Variants in HS3ST3B1 observed in about 807,000 individuals in gnomAD.
The protein encoded by HS3ST3B1 is heparan sulfate glucosamine 3-O-sulfotransferase 3B1.
Under a neutral mutation model 21.3 loss-of-function variants are expected in HS3ST3B1, and 13 were observed. The ratio of observed to expected loss-of-function variants is 0.61; its 90% CI spans 0.40 to 0.97. The LOEUF (loss-of-function observed/expected upper bound fraction) is 0.97, where lower values mean the gene tolerates loss of function less well. HS3ST3B1 is among the 50% of genes least tolerant of loss of function. HS3ST3B1 has a pLI of 0.00. For synonymous variants in HS3ST3B1, 234 were observed against 254.8 expected (o/e 0.92, Z 0.78); for missense variants, 459 against 554.8 (o/e 0.83, Z 1.73).
At chr17:14,311,248 A>C (rs866020587) in intron 1 of HS3ST3B1, among the ~76,000 whole-genome samples, 9 of 151,584 alleles carry the variant, frequency 5.9e-5, no homozygotes, top group African/African-American at 2.2e-4. Context: ...AAAAAAAAAA[A>C]AAAAAAAACT....
intron 1 of HS3ST3B1, chr17:14,327,428 C>A (rs1793815050): frequency 6.6e-6 from 1 of 152,160 alleles, no homozygotes; most frequent in African/African-American, 2.4e-5. Context: ...TTGCTGTGAT[C>A]CACAGGTAAA....
intron 1 of HS3ST3B1, among the ~76,000 whole-genome samples, chr17:14,333,693 A>C (rs1284605207): frequency 1.3e-5 from 2 of 151,988 alleles, no homozygotes; most frequent in Non-Finnish European, 2.9e-5. Context: ...AAGAGGAATC[A>C]TCAGGGGTCG....
At chr17:14,337,853 C>T (rs1478272625) in intron 1 of HS3ST3B1, among the ~76,000 whole-genome samples, 3 of 151,746 alleles carry the variant, frequency 2.0e-5, no homozygotes, top group African/African-American at 7.3e-5. Flanking sequence ...AGGTGGACCT[C>T]TATACCCACA....
Position 14,348,107 on chromosome 17 carries a change from C to T in HS3ST3B1, c.*2461C>T, listed in dbSNP as rs1224659443. The T allele has an allele frequency of 6.6e-6, 1 of 152,206 alleles. No homozygotes were observed. The highest frequency in any genetic ancestry group is 1.5e-5 in the Non-Finnish European group (1 of 68,054). The allele number at this position is 152,206 out of a possible 1,614,324, so 9.4% of individuals were successfully genotyped here. A position where few individuals can be genotyped will look rare whatever the true frequency, so the allele number is the denominator to read the frequency against. ...GTCTGATGTGGCTGTTGATGTGGAA[C>T]TGCAGAAGAGTTCAGAGAAGAGTAT... On this transcript the variant is annotated 3_prime_UTR_variant, in exon 2 of 2. Transcript: ENST00000360954.
rs547712656 is a variant in HS3ST3B1 at position 14,331,886 on chromosome 17, A to C, written c.555-13142A>C. On this transcript the variant is annotated intron_variant, in intron 1 of 1. Coordinates refer to ENST00000360954, the MANE Select transcript of HS3ST3B1 (RefSeq NM_006041.3). The stretch of plus-strand genomic sequence containing the variant: ...TTTGAGGCTTCCTAGGAAAGGAAGG[A>C]GGTTCCAGATAAGGAGTGGCAGGGC... Among the ~76,000 whole-genome samples, 7 of 152,266 alleles carry C rather than the reference A, an allele frequency of 4.6e-5. No individual in the cohort carries two copies. The South Asian group carries it at 6.2e-4, about 14-fold the overall frequency.
chr17:14,336,398 G>A (rs1432082191), intron 1 of HS3ST3B1, among the ~76,000 whole-genome samples: 2 of 152,184 alleles, frequency 1.3e-5, no homozygotes, highest in Non-Finnish European at 2.9e-5. Flanking sequence ...TTGGTACTGG[G>A]TAACATCAGA....
At chr17:14,313,959 G>A (rs1306802761) in intron 1 of HS3ST3B1, among the ~76,000 whole-genome samples, 3 of 151,900 alleles carry the variant, frequency 2.0e-5, no homozygotes, top group Non-Finnish European at 4.4e-5. Flanking sequence ...ATAAATCTGT[G>A]GGGTTTGGGT....
rs1908914848 is a variant in HS3ST3B1 at position 14,301,468 on chromosome 17, G to T, written c.-51G>T. ...CCTCTCTGCGCTCACTGCCCGGCGG[G>T]ACCCACGCCATGTGCTGAGCCATGT... On this transcript the variant is annotated 5_prime_UTR_variant, in exon 1 of 2. Transcript: ENST00000360954. 7.2e-7 allele frequency: 1 copy of T among 1,386,496 alleles called. No individual in the cohort carries two copies. Among genetic ancestry groups the T allele is most frequent in the African/African-American group, 1.5e-5 (1 of 66,132 alleles). The allele number at this position is 1,386,496 out of a possible 1,614,324, so 85.9% of individuals were successfully genotyped here.
chr17:14,325,241 T>C (rs1463872863), intron 1 of HS3ST3B1, among the ~76,000 whole-genome samples: 2 of 152,250 alleles, frequency 1.3e-5, no homozygotes, highest in Non-Finnish European at 2.9e-5. Context: ...TCCAGCCTTT[T>C]TGTTAAAGGA....
chr17:14,340,851 G>A (rs1168450008), intron 1 of HS3ST3B1, among the ~76,000 whole-genome samples: 1 of 152,162 alleles, frequency 6.6e-6, no homozygotes, highest in East Asian at 1.9e-4. Flanking sequence ...CTAAAGTGCT[G>A]GGATTCCAGG....
At chr17:14,305,186 C>T (rs1231024889) in intron 1 of HS3ST3B1, 2 of 152,276 alleles carry the variant, frequency 1.3e-5, no homozygotes, top group East Asian at 1.9e-4. Context: ...TCCATCCACA[C>T]TGGAACTCCA....
chr17:14,302,022 C>G lies in HS3ST3B1; in HGVS notation c.504C>G (p.Ala168=). The part of the protein sequence containing the change: ...RVHPDVRAVG[A]EPHFFDRSYD... Reference sequence around the variant, plus strand: ...ACCCCGACGTGCGCGCCGTGGGCGCCGAGCCCCATTTCTTCGATCGCAGCT... The same window carrying G: ...ACCCCGACGTGCGCGCCGTGGGCGCGGAGCCCCATTTCTTCGATCGCAGCT... The change falls in exon 1 of 2, where the codon GCC becomes GCG. Residue 168 remains alanine (A), a synonymous_variant. Transcript: ENST00000360954. The G allele has an allele frequency of 6.2e-7, 1 of 1,608,424 alleles. No individual in the cohort carries two copies. The highest frequency in any genetic ancestry group is 1.1e-5 in the South Asian group (1 of 90,676).
chr17:14,329,357 GAAAGAAAGAA>G (rs1909917183), intron 1 of HS3ST3B1: 1 of 99,776 alleles, frequency 1.0e-5, no homozygotes, highest in African/African-American at 4.2e-5. Flanking sequence ...AAGAAAGAAA[GAAAGAAAGAA>G]AAGGAAGGAA....
Position 14,328,168 on chromosome 17 carries a change from C to A in HS3ST3B1, c.555-16860C>A, listed in dbSNP as rs1300837884. ...AGGCAACATCATCTATCAAAAAGTT[C>A]TCATAGAATGTAACAAATAATCATG... On this transcript the variant is annotated intron_variant, in intron 1 of 1. Transcript: ENST00000360954. The A allele has an allele frequency of 2.0e-5, 3 of 152,168 alleles. No homozygotes were observed. The East Asian group carries it at 5.8e-4, about 29-fold the overall frequency. The allele number at this position is 152,168 out of a possible 1,614,324, so 9.4% of individuals were successfully genotyped here.
rs367807384 is a variant in HS3ST3B1, at chr17:14,332,321, C to T, written c.555-12707C>T. 3.3e-5 allele frequency among the ~76,000 whole-genome samples: 5 copies of T among 152,070 alleles called. No individual in the cohort carries two copies. The East Asian group carries it at 7.7e-4, about 24-fold the overall frequency. On this transcript the variant is annotated intron_variant, in intron 1 of 1. Coordinates refer to ENST00000360954, the MANE Select transcript of HS3ST3B1 (RefSeq NM_006041.3). Reference sequence around the variant, plus strand: ...GATTAGGACTGTAATGACCTTGCGGCCTACTCTTTCTTTTTCCCTTGGATT... The same window carrying T: ...GATTAGGACTGTAATGACCTTGCGGTCTACTCTTTCTTTTTCCCTTGGATT...
At chr17:14,339,249 A>T (rs1910295777) in intron 1 of HS3ST3B1, among the ~76,000 whole-genome samples, 1 of 152,168 alleles carries the variant, frequency 6.6e-6, no homozygotes, top group African/African-American at 2.4e-5. Flanking sequence ...GGCCTCATAG[A>T]AGGCAGTTAA....
At chr17:14,306,100 C>T (rs1291335923) in intron 1 of HS3ST3B1, among the ~76,000 whole-genome samples, 1 of 152,194 alleles carries the variant, frequency 6.6e-6, no homozygotes, top group Admixed American at 6.5e-5. Context: ...AAGAGTTTGA[C>T]AGCTTTCTGA....
Position 14,301,414 on chromosome 17 carries a change from C to A in HS3ST3B1, c.-105C>A, listed in dbSNP as rs569136023. Reference sequence around the variant, plus strand: ...GGGCACACGGGGGCAATAAACCGAGCCACCCGGGCGTCCAGCGTGCCGGGG... The same window carrying A: ...GGGCACACGGGGGCAATAAACCGAGACACCCGGGCGTCCAGCGTGCCGGGG... On this transcript the variant is annotated 5_prime_UTR_variant, in exon 1 of 2. Transcript: ENST00000360954. 10 of 1,065,286 alleles carry A rather than the reference C, an allele frequency of 9.4e-6. No homozygotes were observed. The South Asian group carries it at 1.4e-4, about 14-fold the overall frequency. The allele number at this position is 1,065,286 out of a possible 1,614,324, so 66.0% of individuals were successfully genotyped here.
intron 1 of HS3ST3B1, among the ~76,000 whole-genome samples, chr17:14,310,693 C>T (rs2142326911): frequency 6.6e-6 from 1 of 152,318 alleles, no homozygotes; most frequent in African/African-American, 2.4e-5. Context: ...AGCAGCCTCT[C>T]CCTGCCGGTC....
Sources: allele counts gnomAD v4.1 joint callset (sites outside exome capture counted in the v4.1 genomes callset), GRCh38; gene constraint gnomAD v4.1.1; transcripts MANE v1.5; gene names NCBI Gene and HGNC (gene_info 2026-07-23, HGNC 2026-07-21).